The following EDC4 variants were observed in gnomAD, a reference collection of about 807,000 sequenced individuals.
EDC4 encodes the protein enhancer of mRNA decapping 4.
Under a neutral mutation model 155.8 loss-of-function variants are expected in EDC4, and 64 were observed. The ratio of observed to expected loss-of-function variants is 0.41; its 90% CI spans 0.34 to 0.51. The LOEUF (loss-of-function observed/expected upper bound fraction) is 0.51. Ranked by LOEUF, EDC4 falls within the 20% of genes least tolerant of loss-of-function variation. EDC4 has a pLI of 0.19. For missense variants in EDC4, 1,303 were observed against 1,812.5 expected (o/e 0.72, Z 5.10); for synonymous variants, 684 against 716.8 (o/e 0.95, Z 0.73).
Position 67,877,202 on chromosome 16 carries a change from C to G in EDC4, c.452-15C>G. 1.2e-6 allele frequency: 2 copies of G among 1,608,110 alleles called. No individual in the cohort carries two copies. The highest frequency in any genetic ancestry group is 1.7e-6 in the Non-Finnish European group (2 of 1,176,494). On this transcript the variant is annotated splice_polypyrimidine_tract_variant and intron_variant, in intron 4 of 28. Transcript: ENST00000358933. The surrounding 1 kb of genome is among the most constrained non-coding windows in gnomAD (Gnocchi z 4.9). ...CTGGATACGTATTCATGGTCCACTG[C>G]TCTCCTGATTCCAGCTGCCAACAAT...
In EDC4 at chr16:67,878,335, A is replaced by G. The variant is rs568566178; in HGVS notation, c.1005-25A>G. ...AGGTAGCCCACCCGACCACTCACTC[A>G]GGCCCCTCATCTGCCTACCTGCAGG... is the stretch of plus-strand genomic sequence containing the variant. On this transcript the variant is annotated intron_variant, in intron 8 of 28. Transcript: ENST00000358933. This position sits in a 1 kb window ranked among gnomAD's most constrained non-coding sequence, Gnocchi z 5.2. 3 of 1,614,220 alleles carry G rather than the reference A, an allele frequency of 1.9e-6. No homozygotes were observed. Among genetic ancestry groups the G allele is most frequent in the South Asian group, 2.2e-5 (2 of 91,090 alleles).
Position 67,883,276 on chromosome 16 carries a change from C to G in EDC4, c.3849+99C>G. The G allele has an allele frequency of 6.9e-7, 1 of 1,459,580 alleles. No homozygotes were observed. Among genetic ancestry groups the G allele is most frequent in the Non-Finnish European group, 9.1e-7 (1 of 1,102,532 alleles). The allele number at this position is 1,459,580 out of a possible 1,614,324, so 90.4% of individuals were successfully genotyped here. On this transcript the variant is annotated intron_variant, in intron 27 of 28. Coordinates refer to ENST00000358933, the MANE Select transcript of EDC4 (RefSeq NM_014329.5). The surrounding 1 kb of genome is among the most constrained non-coding windows in gnomAD (Gnocchi z 5.3). Reference sequence around the variant, plus strand: ...ACCCACCACCTTTGCACCTTCTGGCCCCAGCAGACTGTTCTTGGTTCCCTT... The same window carrying G: ...ACCCACCACCTTTGCACCTTCTGGCGCCAGCAGACTGTTCTTGGTTCCCTT...
chr16:67,882,894 G>T lies in EDC4; in HGVS notation c.3629+29G>T. The T allele has an allele frequency of 6.2e-7, 1 of 1,614,120 alleles. No individual in the cohort carries two copies. The highest frequency in any genetic ancestry group is 8.5e-7 in the Non-Finnish European group (1 of 1,179,976). ...TGTGGGCAGAGTACTGGGCAAGGTG[G>T]TGGGCTTGAGAAAGGCCAGACTAGG... On this transcript the variant is annotated intron_variant, in intron 26 of 28. Transcript: ENST00000358933. This position sits in a 1 kb window ranked among gnomAD's most constrained non-coding sequence, Gnocchi z 7.2.
rs774242266 is a variant in EDC4 at position 67,881,444 on chromosome 16, G to A, written c.2789+27G>A. On this transcript the variant is annotated intron_variant, in intron 20 of 28. Coordinates refer to ENST00000358933, the MANE Select transcript of EDC4 (RefSeq NM_014329.5). This position sits in a 1 kb window ranked among gnomAD's most constrained non-coding sequence, Gnocchi z 5.4. ...TAGGGAGAAATCCTAGGGAGGGAGA[G>A]GGTGGTCTCTAGGCTGCCTCACATA... 3.7e-6 allele frequency: 6 copies of A among 1,613,918 alleles called. No homozygotes were observed. The highest frequency in any genetic ancestry group is 2.2e-5 in the South Asian group (2 of 91,088).
Position 67,879,454 on chromosome 16 carries a change from C to A in EDC4, c.1584C>A (p.Asn528Lys), listed in dbSNP as rs770947850. 1 of 1,614,182 alleles carries A rather than the reference C, an allele frequency of 6.2e-7. No individual in the cohort carries two copies. Among genetic ancestry groups the A allele is most frequent in the Non-Finnish European group, 8.5e-7 (1 of 1,180,032 alleles). Reference sequence around the variant, plus strand: ...AGATCCGCTTCCAGCCACAGCTGAACCCTGATGTGGTGGCCCCACTGCCCA... The same window carrying A: ...AGATCCGCTTCCAGCCACAGCTGAAACCTGATGTGGTGGCCCCACTGCCCA... The part of the protein sequence containing the change: ...DVQIRFQPQL[N>K]PDVVAPLPTH... The change falls in exon 14 of 29, where the codon AAC becomes AAA. Residue 528 changes from asparagine to lysine, a missense_variant. Transcript: ENST00000358933. The surrounding 1 kb of genome is among the most constrained non-coding windows in gnomAD (Gnocchi z 6.0).
chr16:67,880,919 G>A lies in EDC4; in HGVS notation c.2460G>A (p.Ser820=), dbSNP rs750386083. The change falls in exon 18 of 29, where the codon TCG becomes TCA. Residue 820 remains serine, a synonymous_variant. Transcript: ENST00000358933. This position sits in a 1 kb window ranked among gnomAD's most constrained non-coding sequence, Gnocchi z 5.2. The part of the protein sequence containing the change: ...LLEAALTQEA[S]TPDSQVWPTA... ...AGGCAGCCTTGACCCAGGAGGCCTC[G>A]ACTCCTGACAGTCAGGTTTGGCCCA... 2.2e-5 allele frequency: 35 copies of A among 1,613,818 alleles called. No homozygotes were observed. The highest frequency in any genetic ancestry group is 2.3e-5 in the Non-Finnish European group (27 of 1,180,004).
At chr16:67,873,565 C>G in intron 1 of EDC4, 1 of 415,552 alleles carries the variant, frequency 2.4e-6, no homozygotes, top group Non-Finnish European at 4.2e-6. Flanking sequence ...TTCAGCGTCT[C>G]GGTTGAAGGT....
intron 1 of EDC4, 77 bp downstream of exon 1, chr16:67,873,420 C>T: frequency 8.6e-7 from 1 of 1,164,934 alleles, no homozygotes; most frequent in Non-Finnish European, 1.1e-6. Flanking sequence ...CATTGGGGCC[C>T]ACAGCTCCCT....
chr16:67,874,052 T>C (rs1306824625), intron 1 of EDC4, among the ~76,000 whole-genome samples: 2 of 151,648 alleles, frequency 1.3e-5, no homozygotes, highest in Non-Finnish European at 2.9e-5. Context: ...AAGAAAGGAG[T>C]GTCTCGATAC....
chr16:67,883,802 T>C lies in EDC4; in HGVS notation c.4013+71T>C. 6.4e-7 allele frequency: 1 copy of C among 1,574,188 alleles called. No individual in the cohort carries two copies. Among genetic ancestry groups the C allele is most frequent in the Non-Finnish European group, 8.7e-7 (1 of 1,151,182 alleles). On this transcript the variant is annotated intron_variant, in intron 28 of 28. Coordinates refer to ENST00000358933, the MANE Select transcript of EDC4 (RefSeq NM_014329.5). This position sits in a 1 kb window ranked among gnomAD's most constrained non-coding sequence, Gnocchi z 5.3. Reference sequence around the variant, plus strand: ...GCAGTGGGAGGGAGCAGTTTGAAGCTGACGCCCACTTCTGCCTGAATCCTC... The same window carrying C: ...GCAGTGGGAGGGAGCAGTTTGAAGCCGACGCCCACTTCTGCCTGAATCCTC...
chr16:67,883,459 C>A lies in EDC4; in HGVS notation c.3850-109C>A. 6.6e-7 allele frequency: 1 copy of A among 1,506,728 alleles called. No individual in the cohort carries two copies. Among genetic ancestry groups the A allele is most frequent in the Non-Finnish European group, 9.0e-7 (1 of 1,110,988 alleles). 93.3% of individuals were successfully genotyped at this position (1,506,728 alleles called of 1,614,324 possible). On this transcript the variant is annotated intron_variant, in intron 27 of 28. Coordinates refer to ENST00000358933, the MANE Select transcript of EDC4 (RefSeq NM_014329.5). The surrounding 1 kb of genome is among the most constrained non-coding windows in gnomAD (Gnocchi z 5.3). ...AGGCTCTCTCTGAGTCCCTCTGGAG[C>A]TCTCACTAGCCCACCCTGTGGTCAT...
At chr16:67,875,867 C>G in intron 1 of EDC4, 78 bp from the exon 2 acceptor site, 1 of 1,551,488 alleles carries the variant, frequency 6.4e-7, no homozygotes. Context: ...CCTCATAGTT[C>G]TTGAAGGAAA....
rs780627473 is a variant in EDC4, at chr16:67,881,284, G to A, written c.2656G>A (p.Ala886Thr). ...CCACAGTGACCATGATGATGAGGTG[G>A]CCAGCCTTGCCTCTGCTTCAGGAGG... Reference protein sequence around the residue: ...AEQSDHDDEVASLASASGGFG... With the variant: ...AEQSDHDDEVTSLASASGGFG... The change falls in exon 20 of 29, where the codon GCC (alanine) becomes ACC (threonine). Residue 886 changes from alanine to threonine, a missense_variant. Ala to Thr is a moderately conservative substitution (Grantham distance 58). Transcript: ENST00000358933. The surrounding 1 kb of genome is among the most constrained non-coding windows in gnomAD (Gnocchi z 5.4). The A allele has an allele frequency of 1.2e-6, 2 of 1,614,042 alleles. No homozygotes were observed. The highest frequency in any genetic ancestry group is 1.7e-6 in the Non-Finnish European group (2 of 1,180,012).
At position 67,883,988 on chromosome 16, in the gene EDC4, A is replaced by G. The variant is rs2058082536; in HGVS notation, c.4046A>G (p.His1349Arg). The change falls in exon 29 of 29, where the codon CAC becomes CGC. Residue 1349 changes from histidine (H) to arginine (R), a missense_variant. Physicochemically the swap from His to Arg is conservative, Grantham distance 29 (BLOSUM62 0). Around this residue, in one of 5 missense-constraint regions of EDC4, gnomAD observed 527 missense variants for 757.0 expected, o/e 0.70. Coordinates refer to ENST00000358933, the MANE Select transcript of EDC4 (RefSeq NM_014329.5). This position sits in a 1 kb window ranked among gnomAD's most constrained non-coding sequence, Gnocchi z 5.3. ...YLEEAVMHLD[H>R]SDPITRDHMG... is the part of the protein sequence containing the mutation. The stretch of plus-strand genomic sequence containing the variant: ...GAAGAGGCCGTGATGCACCTGGACC[A>G]CAGTGACCCCATCACTCGGGACCAC... The G allele has an allele frequency of 1.2e-6, 2 of 1,612,686 alleles. No individual in the cohort carries two copies. Among genetic ancestry groups the G allele is most frequent in the East Asian group, 2.2e-5 (1 of 44,856 alleles).
chr16:67,882,114 G>C lies in EDC4; in HGVS notation c.3160+5G>C. 5 of 1,613,780 alleles carry C rather than the reference G, an allele frequency of 3.1e-6. No individual in the cohort carries two copies. Among genetic ancestry groups the C allele is most frequent in the Non-Finnish European group, 4.2e-6 (5 of 1,180,000 alleles). On this transcript the variant is annotated splice_donor_5th_base_variant and intron_variant, in intron 23 of 28. Coordinates refer to ENST00000358933, the MANE Select transcript of EDC4 (RefSeq NM_014329.5). This position sits in a 1 kb window ranked among gnomAD's most constrained non-coding sequence, Gnocchi z 7.2. ...TCAAGAAGACAGTCCCTCCATGTGA[G>C]TTTTGCATGCAGACTCCCTTTGGGT...
Position 67,878,469 on chromosome 16 carries a change from T to TCACC in EDC4, c.1088+26_1088+27insCACC. ...GTGAGTGAGTGGGCAGCCTAGTGGG[T>TCACC]GGTGGGCTGGACCATGGCTCCCAGC... On this transcript the variant is annotated intron_variant, in intron 9 of 28. Coordinates refer to ENST00000358933, the MANE Select transcript of EDC4 (RefSeq NM_014329.5). The surrounding 1 kb of genome is among the most constrained non-coding windows in gnomAD (Gnocchi z 5.2). 6.2e-7 allele frequency: 1 copy of TCACC among 1,614,030 alleles called. No individual in the cohort carries two copies. Among genetic ancestry groups the TCACC allele is most frequent in the Non-Finnish European group, 8.5e-7 (1 of 1,179,980 alleles).
chr16:67,882,843 CA>C lies in EDC4; in HGVS notation c.3608del (p.Gln1203ArgfsTer14). The C allele has an allele frequency of 6.2e-7, 1 of 1,614,150 alleles. No individual in the cohort carries two copies. Among genetic ancestry groups the C allele is most frequent in the Non-Finnish European group, 8.5e-7 (1 of 1,180,040 alleles). ...AGSVRAEVQH[Q>X]LHVAVGSLQE... ...CAGTGTTCGTGCTGAGGTGCAGCACCAGCTGCATGTGGCTGTGGGCAGGTGT... is the reference window on the plus strand; with the variant it reads ...CAGTGTTCGTGCTGAGGTGCAGCACCGCTGCATGTGGCTGTGGGCAGGTGT... On this transcript the variant is annotated frameshift_variant, in exon 26 of 29. Coordinates refer to ENST00000358933, the MANE Select transcript of EDC4 (RefSeq NM_014329.5). LOFTEE classifies it high-confidence loss of function. The surrounding 1 kb of genome is among the most constrained non-coding windows in gnomAD (Gnocchi z 7.2).
rs2058050723 is a variant in EDC4 at position 67,878,370 on chromosome 16, G to A, written c.1015G>A (p.Glu339Lys). 1.9e-6 allele frequency: 3 copies of A among 1,614,198 alleles called. No homozygotes were observed. Among genetic ancestry groups the A allele is most frequent in the Non-Finnish European group, 2.5e-6 (3 of 1,180,044 alleles). Residue 339 changes from glutamate (E) to lysine (K), a missense_variant, in exon 9 of 29, where the codon GAG (glutamate) becomes AAG (lysine). Physicochemically the swap from Glu to Lys is moderately conservative, Grantham distance 56. Transcript: ENST00000358933. The surrounding 1 kb of genome is among the most constrained non-coding windows in gnomAD (Gnocchi z 5.2). ...TCTGCCTACCTGCAGGTGTCTGCAC[G>A]AGTGGAAACCTCATGATGGGCGGCC... Reference protein sequence around the residue: ...EGQDEPRCLHEWKPHDGRPLS... With the variant: ...EGQDEPRCLHKWKPHDGRPLS...
Position 67,880,664 on chromosome 16 carries a change from A to G in EDC4, c.2205A>G (p.Ser735=), listed in dbSNP as rs557535722. The G allele has an allele frequency of 6.2e-7, 1 of 1,614,078 alleles. No homozygotes were observed. The highest frequency in any genetic ancestry group is 1.1e-5 in the South Asian group (1 of 91,084). ...SRTRSPDVIS[S]ASTALSQDIP... ...CTCGTTCCCCTGATGTCATCTCCTC[A>G]GCTTCCACTGCCCTGTCCCAGGACA... Residue 735 remains serine, a synonymous_variant, in exon 18 of 29, where the codon TCA becomes TCG. Transcript: ENST00000358933. This position sits in a 1 kb window ranked among gnomAD's most constrained non-coding sequence, Gnocchi z 5.2.
Sources: gnomAD v4.1 joint callset for allele counts (sites outside exome capture counted in the v4.1 genomes callset) on GRCh38, gnomAD v4.1.1 for gene constraint, gnomAD v4.1.1 regional missense constraint, Gnocchi (gnomAD v3.1) non-coding constraint, MANE v1.5 for transcripts, NCBI Gene and HGNC (gene_info 2026-07-23, HGNC 2026-07-21) for gene names.